LCE1B: variants seen among roughly 807,000 people sequenced by gnomAD.
LCE1B encodes late cornified envelope protein 1B.
For synonymous variants in LCE1B, 56 were observed against 55.9 expected (o/e 1.00, Z -0.01); for missense variants, 151 against 147.2 (o/e 1.03, Z -0.14).
In LCE1B at chr1:152,812,998, G is replaced by C. The variant is rs550273742; in HGVS notation, c.*195G>C. 7 of 669,736 alleles carry C rather than the reference G, an allele frequency of 1.0e-5. No individual in the cohort carries two copies. In the Admixed American group the frequency reaches 2.1e-4, roughly 20 times the overall value. The allele number at this position is 669,736 out of a possible 1,614,324, so 41.5% of individuals were successfully genotyped here. A position where few individuals can be genotyped will look rare whatever the true frequency, so the allele number is the denominator to read the frequency against. On this transcript the variant is annotated 3_prime_UTR_variant, in exon 1 of 1. Coordinates refer to ENST00000360090, the MANE Select transcript of LCE1B (RefSeq NM_178349.2). ...AAGCCATTTAATGACCTCAGTTTGC[G>C]TATGTGTGGTTGCTCTGGGAAGCCC... is the stretch of plus-strand genomic sequence containing the variant.
Position 152,812,377 on chromosome 1 carries a change from C to G in LCE1B, c.-70C>G, listed in dbSNP as rs2101590972. 2 of 1,415,878 alleles carry G rather than the reference C, an allele frequency of 1.4e-6. No homozygotes were observed. The highest frequency in any genetic ancestry group is 2.0e-6 in the Non-Finnish European group (2 of 1,000,274). The allele number at this position is 1,415,878 out of a possible 1,614,324, so 87.7% of individuals were successfully genotyped here. A position where few individuals can be genotyped will look rare whatever the true frequency, so the allele number is the denominator to read the frequency against. Reference sequence around the variant, plus strand: ...ATGATGCTGAAAGGGCAAGAATAGGCCGGGGTGGCCTCTACCTGGGTCTAA... The same window carrying G: ...ATGATGCTGAAAGGGCAAGAATAGGGCGGGGTGGCCTCTACCTGGGTCTAA... On this transcript the variant is annotated 5_prime_UTR_variant, in exon 1 of 1. Transcript: ENST00000360090.
In LCE1B at chr1:152,812,410, T is replaced by C; in HGVS notation, c.-37T>C. The C allele has an allele frequency of 6.2e-7, 1 of 1,603,102 alleles. No homozygotes were observed. The highest frequency in any genetic ancestry group is 8.5e-7 in the Non-Finnish European group (1 of 1,170,006). ...GCCTCTACCTGGGTCTAACTTGCTG[T>C]CTGACTCTCTCTCAGCTCCTGAACA... On this transcript the variant is annotated 5_prime_UTR_variant, in exon 1 of 1. Transcript: ENST00000360090.
Position 152,812,942 on chromosome 1 carries a change from T to C in LCE1B, c.*139T>C, listed in dbSNP as rs986974113. 29 of 1,074,958 alleles carry C rather than the reference T, an allele frequency of 2.7e-5. 1 individual carries two copies. In the African/African-American group the frequency reaches 3.5e-4, roughly 13 times the overall value. The allele number at this position is 1,074,958 out of a possible 1,614,324, so 66.6% of individuals were successfully genotyped here. On this transcript the variant is annotated 3_prime_UTR_variant, in exon 1 of 1. Transcript: ENST00000360090. The stretch of plus-strand genomic sequence containing the variant: ...CATAGAGGATTCTTCTGTCTTGGAG[T>C]TCAGAGGCCCAAAACTTCTCCCCCA...
Position 152,812,091 on chromosome 1 carries a change from T to C in LCE1B, c.-356T>C. On this transcript the variant is annotated 5_prime_UTR_variant, in exon 1 of 1. Coordinates refer to ENST00000360090, the MANE Select transcript of LCE1B (RefSeq NM_178349.2). ...CCCCTTTCTAGATTGTTTTCATGAT[T>C]CAGGTGTGTAGTTGAAGCAGAATGT... 4.6e-6 allele frequency: 1 copy of C among 217,338 alleles called. No homozygotes were observed. The highest frequency in any genetic ancestry group is 1.1e-4 in the East Asian group (1 of 8,864). The allele number at this position is 217,338 out of a possible 1,614,324, so 13.5% of individuals were successfully genotyped here.
rs1652514648 is a variant in LCE1B at position 152,812,162 on chromosome 1, A to G, written c.-285A>G. 6.7e-6 allele frequency: 3 copies of G among 447,404 alleles called. No individual in the cohort carries two copies. The highest frequency in any genetic ancestry group is 1.2e-5 in the Non-Finnish European group (3 of 250,158). The allele number at this position is 447,404 out of a possible 1,614,324, so 27.7% of individuals were successfully genotyped here. On this transcript the variant is annotated 5_prime_UTR_variant, in exon 1 of 1. It adds an upstream start codon to the 5' untranslated region. Transcript: ENST00000360090. ...TTGATTTTGAGAATACTTTCTTAAT[A>G]TCTTTTGGCTTCGGTTTTCTAATTA... is the stretch of plus-strand genomic sequence containing the variant.
At position 152,813,016 on chromosome 1, in the gene LCE1B, G is replaced by A; in HGVS notation, c.*213G>A. The stretch of plus-strand genomic sequence containing the variant: ...AGTTTGCGTATGTGTGGTTGCTCTG[G>A]GAAGCCCAAAGCACAGACCTATATC... On this transcript the variant is annotated 3_prime_UTR_variant, in exon 1 of 1. Transcript: ENST00000360090. The A allele has an allele frequency of 1.6e-6, 1 of 621,404 alleles. No individual in the cohort carries two copies. The highest frequency in any genetic ancestry group is 2.3e-5 in the South Asian group (1 of 43,128). The allele number at this position is 621,404 out of a possible 1,614,324, so 38.5% of individuals were successfully genotyped here.
chr1:152,812,021 A>G lies in LCE1B; in HGVS notation c.-426A>G, dbSNP rs1445891697. On this transcript the variant is annotated 5_prime_UTR_variant, in exon 1 of 1. Transcript: ENST00000360090. Reference sequence around the variant, plus strand: ...CAAGGTAATCTAGAAAATTCTTCCAAGAGAGAATGACTGTTTCCCCTTGAG... The same window carrying G: ...CAAGGTAATCTAGAAAATTCTTCCAGGAGAGAATGACTGTTTCCCCTTGAG... 1 of 171,738 alleles carries G rather than the reference A, an allele frequency of 5.8e-6. No homozygotes were observed. Among genetic ancestry groups the G allele is most frequent in the Non-Finnish European group, 1.3e-5 (1 of 79,552 alleles). The allele number at this position is 171,738 out of a possible 1,614,324, so 10.6% of individuals were successfully genotyped here.
Position 152,812,388 on chromosome 1 carries a change from T to C in LCE1B, c.-59T>C. On this transcript the variant is annotated 5_prime_UTR_variant, in exon 1 of 1. Coordinates refer to ENST00000360090, the MANE Select transcript of LCE1B (RefSeq NM_178349.2). ...AGGGCAAGAATAGGCCGGGGTGGCCTCTACCTGGGTCTAACTTGCTGTCTG... is the reference window on the plus strand; with the variant it reads ...AGGGCAAGAATAGGCCGGGGTGGCCCCTACCTGGGTCTAACTTGCTGTCTG... The C allele has an allele frequency of 6.5e-7, 1 of 1,549,058 alleles. No homozygotes were observed. The highest frequency in any genetic ancestry group is 8.9e-7 in the Non-Finnish European group (1 of 1,120,890).
In LCE1B at chr1:152,813,077, A is replaced by G. The variant is rs560966431; in HGVS notation, c.*274A>G. 56 of 453,742 alleles carry G rather than the reference A, an allele frequency of 1.2e-4. No homozygotes were observed. Among genetic ancestry groups the G allele is most frequent in the Admixed American group, 1.9e-4 (5 of 25,692 alleles). 28.1% of individuals were successfully genotyped at this position (453,742 alleles called of 1,614,324 possible). On this transcript the variant is annotated 3_prime_UTR_variant, in exon 1 of 1. Transcript: ENST00000360090. ...TTGTCTTTTTGCATAGCTCAGCCTG[A>G]TGTGAAACAATAAAACCAGAAATAT...
Position 152,812,172 on chromosome 1 carries a change from T to C in LCE1B, c.-275T>C. The C allele has an allele frequency of 4.2e-6, 2 of 476,982 alleles. No homozygotes were observed. The highest frequency in any genetic ancestry group is 7.5e-6 in the Non-Finnish European group (2 of 268,012). The allele number at this position is 476,982 out of a possible 1,614,324, so 29.5% of individuals were successfully genotyped here. On this transcript the variant is annotated 5_prime_UTR_variant, in exon 1 of 1. Transcript: ENST00000360090. ...GAATACTTTCTTAATATCTTTTGGC[T>C]TCGGTTTTCTAATTATAAAATAGTT... is the stretch of plus-strand genomic sequence containing the variant.
At position 152,813,022 on chromosome 1, in the gene LCE1B, C is replaced by T. The variant is rs938012570; in HGVS notation, c.*219C>T. 8.2e-6 allele frequency: 5 copies of T among 607,252 alleles called. No individual in the cohort carries two copies. The African/African-American group carries it at 9.3e-5, about 11-fold the overall frequency. 37.6% of individuals were successfully genotyped at this position (607,252 alleles called of 1,614,324 possible). ...CGTATGTGTGGTTGCTCTGGGAAGC[C>T]CAAAGCACAGACCTATATCCCTTTG... On this transcript the variant is annotated 3_prime_UTR_variant, in exon 1 of 1. Coordinates refer to ENST00000360090, the MANE Select transcript of LCE1B (RefSeq NM_178349.2).
rs1652515950 is a variant in LCE1B at position 152,812,234 on chromosome 1, A to T, written c.-213A>T. 1.7e-6 allele frequency: 1 copy of T among 591,836 alleles called. No homozygotes were observed. The highest frequency in any genetic ancestry group is 3.1e-6 in the Non-Finnish European group (1 of 326,112). 36.7% of individuals were successfully genotyped at this position (591,836 alleles called of 1,614,324 possible). Reference sequence around the variant, plus strand: ...ATGATTTTATAAGTATATAAAAAGCATTAGGTTCAAAACAGAGGCTATAAG... The same window carrying T: ...ATGATTTTATAAGTATATAAAAAGCTTTAGGTTCAAAACAGAGGCTATAAG... On this transcript the variant is annotated 5_prime_UTR_variant, in exon 1 of 1. Coordinates refer to ENST00000360090, the MANE Select transcript of LCE1B (RefSeq NM_178349.2).
At position 152,812,659 on chromosome 1, in the gene LCE1B, G is replaced by C; in HGVS notation, c.213G>C (p.Gly71=). 1 of 1,614,100 alleles carries C rather than the reference G, an allele frequency of 6.2e-7. No individual in the cohort carries two copies. Among genetic ancestry groups the C allele is most frequent in the East Asian group, 2.2e-5 (1 of 44,862 alleles). ...GSSSGGCCSS[G]GGGCCLSHHR... ...GCTCTGGGGGTTGCTGCAGTTCTGG[G>C]GGAGGTGGCTGCTGCCTGAGCCACC... Residue 71 remains glycine, a synonymous_variant, in exon 1 of 1, where the codon GGG becomes GGC. Transcript: ENST00000360090.
At position 152,813,060 on chromosome 1, in the gene LCE1B, T is replaced by C; in HGVS notation, c.*257T>C. The C allele has an allele frequency of 2.0e-6, 1 of 503,192 alleles. No individual in the cohort carries two copies. Among genetic ancestry groups the C allele is most frequent in the East Asian group, 3.2e-5 (1 of 31,446 alleles). The allele number at this position is 503,192 out of a possible 1,614,324, so 31.2% of individuals were successfully genotyped here. A position where few individuals can be genotyped will look rare whatever the true frequency, so the allele number is the denominator to read the frequency against. On this transcript the variant is annotated 3_prime_UTR_variant, in exon 1 of 1. Transcript: ENST00000360090. ...CTATATCCCTTTGCAGCTTGTCTTT[T>C]TGCATAGCTCAGCCTGATGTGAAAC... is the stretch of plus-strand genomic sequence containing the variant.
At position 152,812,829 on chromosome 1, in the gene LCE1B, C is replaced by T. The variant is rs781031467; in HGVS notation, c.*26C>T. On this transcript the variant is annotated 3_prime_UTR_variant, in exon 1 of 1. Transcript: ENST00000360090. The stretch of plus-strand genomic sequence containing the variant: ...AGTGGATCCTGAGCCTAGAAGAACA[C>T]AAATGGCCAAATATTTCCCTTCCGT... 6.5e-6 allele frequency: 10 copies of T among 1,549,838 alleles called. No individual in the cohort carries two copies. The highest frequency in any genetic ancestry group is 3.5e-6 in the Non-Finnish European group (4 of 1,151,340).
At position 152,812,249 on chromosome 1, in the gene LCE1B, G is replaced by A; in HGVS notation, c.-198G>A. On this transcript the variant is annotated 5_prime_UTR_variant, in exon 1 of 1. Coordinates refer to ENST00000360090, the MANE Select transcript of LCE1B (RefSeq NM_178349.2). ...TATAAAAAGCATTAGGTTCAAAACA[G>A]AGGCTATAAGTGTGTTTAGCCAACT... 1 of 609,078 alleles carries A rather than the reference G, an allele frequency of 1.6e-6. No individual in the cohort carries two copies. The highest frequency in any genetic ancestry group is 2.8e-5 in the East Asian group (1 of 36,188). 37.7% of individuals were successfully genotyped at this position (609,078 alleles called of 1,614,324 possible).
In LCE1B at chr1:152,812,904, G is replaced by C; in HGVS notation, c.*101G>C. ...CATGTTGTTGAGAGGTCTTGGTGAGGGCTCAACTCAAGCATAGAGGATTCT... is the reference window on the plus strand; with the variant it reads ...CATGTTGTTGAGAGGTCTTGGTGAGCGCTCAACTCAAGCATAGAGGATTCT... On this transcript the variant is annotated 3_prime_UTR_variant, in exon 1 of 1. Coordinates refer to ENST00000360090, the MANE Select transcript of LCE1B (RefSeq NM_178349.2). 1 of 1,347,172 alleles carries C rather than the reference G, an allele frequency of 7.4e-7. No homozygotes were observed. The highest frequency in any genetic ancestry group is 1.0e-6 in the Non-Finnish European group (1 of 982,762). The allele number at this position is 1,347,172 out of a possible 1,614,324, so 83.5% of individuals were successfully genotyped here.
rs753410913 is a variant in LCE1B, at chr1:152,812,597, T to TGCTGTGGCTCCAGCTCTGGGGGAA, written c.174_197dup (p.Ser59_Gly66dup). The TGCTGTGGCTCCAGCTCTGGGGGAA allele has an allele frequency of 5.6e-6, 9 of 1,614,052 alleles. No individual in the cohort carries two copies. In the Admixed American group the frequency reaches 6.7e-5, roughly 12 times the overall value. ...CTGCTGCAGTGTCAGCTCCGGAGGCTGCTGTGGCTCCAGCTCTGGGGGAAG... is the reference window on the plus strand; with the variant it reads ...CTGCTGCAGTGTCAGCTCCGGAGGCTGCTGTGGCTCCAGCTCTGGGGGAAGCTGTGGCTCCAGCTCTGGGGGAAG... On this transcript the variant is annotated inframe_insertion, in exon 1 of 1. Coordinates refer to ENST00000360090, the MANE Select transcript of LCE1B (RefSeq NM_178349.2).
rs937229296 is a variant in LCE1B, at chr1:152,812,881, T to C, written c.*78T>C. 3 of 1,485,598 alleles carry C rather than the reference T, an allele frequency of 2.0e-6. No homozygotes were observed. The highest frequency in any genetic ancestry group is 2.7e-6 in the Non-Finnish European group (3 of 1,103,848). The allele number at this position is 1,485,598 out of a possible 1,614,324, so 92.0% of individuals were successfully genotyped here. On this transcript the variant is annotated 3_prime_UTR_variant, in exon 1 of 1. Coordinates refer to ENST00000360090, the MANE Select transcript of LCE1B (RefSeq NM_178349.2). ...TTCCTTCTCCTTCTGGGCCTGCCCA[T>C]GTTGTTGAGAGGTCTTGGTGAGGGC...
Sources: gnomAD v4.1 joint callset for allele counts on GRCh38, gnomAD v4.1.1 for gene constraint, MANE v1.5 for transcripts, NCBI Gene and HGNC (gene_info 2026-07-23, HGNC 2026-07-21) for gene names.